CYTH4: variants seen among roughly 807,000 people sequenced by gnomAD.
The protein encoded by CYTH4 is cytohesin 4.
In CYTH4, 22 loss-of-function variants were observed where a neutral mutation model predicts 57.5. The observed-to-expected ratio is 0.38, with a 90% confidence interval of 0.27 to 0.55. CYTH4 has a LOEUF of 0.55. Ranked by LOEUF, CYTH4 falls within the 20% of genes least tolerant of loss-of-function variation. The pLI, the probability that CYTH4 is intolerant of heterozygous loss-of-function variation, is 0.74. For missense variants in CYTH4, 420 were observed against 535.6 expected (o/e 0.78, Z 2.13); for synonymous variants, 186 against 206.5 (o/e 0.90, Z 0.85).
Position 37,311,320 on chromosome 22 carries a change from G to A in CYTH4, c.886-136G>A, listed in dbSNP as rs550868662. 43 of 822,266 alleles carry A rather than the reference G, an allele frequency of 5.2e-5. No homozygotes were observed. The highest frequency in any genetic ancestry group is 2.9e-4 in the African/African-American group (17 of 58,536). The allele number at this position is 822,266 out of a possible 1,614,324, so 50.9% of individuals were successfully genotyped here. A position where few individuals can be genotyped will look rare whatever the true frequency, so the allele number is the denominator to read the frequency against. On this transcript the variant is annotated intron_variant, in intron 10 of 12. Coordinates refer to ENST00000248901, the MANE Select transcript of CYTH4 (RefSeq NM_013385.5). This position sits in a 1 kb window ranked among gnomAD's most constrained non-coding sequence, Gnocchi z 4.4. ...TCTTCACATGCTGCTTCTAACTTCC[G>A]TCCCCCTATGACTGGACAGTCTCGG...
chr22:37,311,214 C>T lies in CYTH4; in HGVS notation c.885+150C>T, dbSNP rs979879605. On this transcript the variant is annotated intron_variant, in intron 10 of 12. Transcript: ENST00000248901. The surrounding 1 kb of genome is among the most constrained non-coding windows in gnomAD (Gnocchi z 4.4). ...ATGCCCATTTTACAGATGGGGAAAA[C>T]GGGTACACAGAGGAGGGCCGGGCCA... The T allele has an allele frequency of 2.4e-5, 24 of 1,009,202 alleles. No individual in the cohort carries two copies. The highest frequency in any genetic ancestry group is 6.3e-5 in the Admixed American group (3 of 47,250). The allele number at this position is 1,009,202 out of a possible 1,614,324, so 62.5% of individuals were successfully genotyped here. A position where few individuals can be genotyped will look rare whatever the true frequency, so the allele number is the denominator to read the frequency against.
At chr22:37,304,308 GTGGGTGA>G (rs1929315357) in intron 8 of CYTH4, 1 of 456,214 alleles carries the variant, frequency 2.2e-6, no homozygotes, top group South Asian at 1.5e-5. Context: ...ATGCACAGTA[GTGGGTGA>G]CAGGGTGGGG....
At chr22:37,286,399 G>A (rs1247982071) in intron 1 of CYTH4, among the ~76,000 whole-genome samples, 3 of 152,288 alleles carry the variant, frequency 2.0e-5, no homozygotes, top group Admixed American at 6.5e-5. Flanking sequence ...CTTTCGGAGT[G>A]GTTGTGGGAT....
At chr22:37,309,097 A>T (rs1314471157) in intron 8 of CYTH4, 115 bp from the exon 9 acceptor site, 1 of 770,712 alleles carries the variant, frequency 1.3e-6, no homozygotes, top group African/African-American at 1.8e-5. Flanking sequence ...CAGGTGAGGA[A>T]AGAGTATGCC....
chr22:37,290,144 C>T (rs1928699551), intron 1 of CYTH4, among the ~76,000 whole-genome samples: 5 of 152,130 alleles, frequency 3.3e-5, no homozygotes, highest in African/African-American at 9.7e-5. Context: ...GGCCATGAAT[C>T]AAGCAGACCC....
chr22:37,308,691 CATGT>C (rs1929508863), intron 8 of CYTH4, among the ~76,000 whole-genome samples: 1 of 142,804 alleles, frequency 7.0e-6, no homozygotes, highest in African/African-American at 2.6e-5. Context: ...TGTAAGTATG[CATGT>C]ATGTGTGAGC....
chr22:37,292,950 C>T (rs1569106264), intron 2 of CYTH4, among the ~76,000 whole-genome samples: 1 of 152,172 alleles, frequency 6.6e-6, no homozygotes, highest in African/African-American at 2.4e-5. Context: ...TGTGCCGATC[C>T]TCATCCTGGC....
chr22:37,283,346 C>T (rs996985350), intron 1 of CYTH4, among the ~76,000 whole-genome samples: 26 of 152,238 alleles, frequency 1.7e-4, no homozygotes, highest in Non-Finnish European at 3.2e-4. Context: ...ATTGAAGGCC[C>T]GGTAGAGGGG....
Position 37,314,103 on chromosome 22 carries a change from C to A in CYTH4, c.*592C>A. 1 of 356,342 alleles carries A rather than the reference C, an allele frequency of 2.8e-6. No homozygotes were observed. 22.1% of individuals were successfully genotyped at this position (356,342 alleles called of 1,614,324 possible). On this transcript the variant is annotated 3_prime_UTR_variant, in exon 13 of 13. Transcript: ENST00000248901. ...GCCCTAGGAGCCCGGACCCCACGAG[C>A]TCAGTCCCAGCTCTGCCTCTGACTC... is the stretch of plus-strand genomic sequence containing the variant.
At chr22:37,291,875 G>C (rs1569105813) in intron 1 of CYTH4, among the ~76,000 whole-genome samples, 1 of 152,208 alleles carries the variant, frequency 6.6e-6, no homozygotes, top group Non-Finnish European at 1.5e-5. Flanking sequence ...TTTCCAAGTG[G>C]AGATGAAAGA....
chr22:37,308,902 A>C (rs1049417892), intron 8 of CYTH4, among the ~76,000 whole-genome samples: 2 of 151,726 alleles, frequency 1.3e-5, no homozygotes, highest in African/African-American at 4.8e-5. Flanking sequence ...GTGTGTAAGC[A>C]TGTATATTTG....
intron 6 of CYTH4, chr22:37,300,091 A>T: frequency 1.4e-6 from 1 of 717,570 alleles, no homozygotes; most frequent in East Asian, 2.7e-5. Context: ...CTAAATGGGA[A>T]AGTGTTTAAA....
rs1256339899 is a variant in CYTH4, at chr22:37,300,957, G to A, written c.485G>A (p.Arg162Gln). ...RLPGEAQKIDRMMEAFATRYC... is the reference protein window; with the variant it reads ...RLPGEAQKIDQMMEAFATRYC... Reference sequence around the variant, plus strand: ...CCGGGCGAGGCCCAGAAGATAGACCGGATGATGGAGGCCTTTGCCACTCGA... The same window carrying A: ...CCGGGCGAGGCCCAGAAGATAGACCAGATGATGGAGGCCTTTGCCACTCGA... Residue 162 changes from arginine to glutamine, a missense_variant, in exon 7 of 13, where the codon CGG (arginine) becomes CAG (glutamine). By Grantham distance (43) the Arg-to-Gln change is conservative. Transcript: ENST00000248901. 36 of 1,614,202 alleles carry A rather than the reference G, an allele frequency of 2.2e-5. No individual in the cohort carries two copies. The highest frequency in any genetic ancestry group is 2.9e-5 in the Non-Finnish European group (34 of 1,180,028).
intron 1 of CYTH4, among the ~76,000 whole-genome samples, chr22:37,290,592 G>A (rs555061795): frequency 3.9e-5 from 6 of 152,198 alleles, no homozygotes; most frequent in African/African-American, 7.2e-5. Context: ...TGCAAGCTCC[G>A]CCTCCCAGGT....
At chr22:37,290,645 A>G (rs749470995) in intron 1 of CYTH4, among the ~76,000 whole-genome samples, 2 of 152,148 alleles carry the variant, frequency 1.3e-5, no homozygotes, top group African/African-American at 4.8e-5. Context: ...TGTACCTGGG[A>G]CTACAGGTGC....
intron 1 of CYTH4, among the ~76,000 whole-genome samples, chr22:37,285,813 AG>A (rs1465369018): frequency 2.0e-5 from 3 of 152,218 alleles, no homozygotes; most frequent in African/African-American, 7.2e-5. Flanking sequence ...AAATAGAGGA[AG>A]GGTCAGTAGG....
chr22:37,292,736 A>C, intron 2 of CYTH4, 33 bp downstream of exon 2: 1 of 1,606,420 alleles, frequency 6.2e-7, no homozygotes, highest in Non-Finnish European at 8.5e-7. Flanking sequence ...ACACGTGTCC[A>C]TGCCCACACT....
chr22:37,306,422 A>C (rs1023842696), intron 8 of CYTH4, among the ~76,000 whole-genome samples: 9 of 152,206 alleles, frequency 5.9e-5, no homozygotes, highest in Non-Finnish European at 1.5e-5. Flanking sequence ...TCCCGTCCCC[A>C]GTTTACAGCA....
Position 37,311,195 on chromosome 22 carries a change from AT to A in CYTH4, c.885+135del. The A allele has an allele frequency of 9.3e-7, 1 of 1,078,952 alleles. No individual in the cohort carries two copies. Among genetic ancestry groups the A allele is most frequent in the Non-Finnish European group, 1.4e-6 (1 of 722,064 alleles). 66.8% of individuals were successfully genotyped at this position (1,078,952 alleles called of 1,614,324 possible). A position where few individuals can be genotyped will look rare whatever the true frequency, so the allele number is the denominator to read the frequency against. On this transcript the variant is annotated intron_variant, in intron 10 of 12. Transcript: ENST00000248901. This position sits in a 1 kb window ranked among gnomAD's most constrained non-coding sequence, Gnocchi z 4.4. ...GATCATTCAGTCCCCCTCCATGCCC[AT>A]TTTACAGATGGGGAAAACGGGTACA... is the stretch of plus-strand genomic sequence containing the variant.
Sources: allele counts gnomAD v4.1 joint callset (sites outside exome capture counted in the v4.1 genomes callset), GRCh38; gene constraint gnomAD v4.1.1; non-coding constraint Gnocchi (gnomAD v3.1); transcripts MANE v1.5; gene names NCBI Gene and HGNC (gene_info 2026-07-23, HGNC 2026-07-21).